The following NDUFA5 variants were observed in gnomAD, a reference collection of about 807,000 sequenced individuals.
The protein encoded by NDUFA5 is NADH dehydrogenase [ubiquinone] 1 alpha subcomplex subunit 5.
NDUFA5 carries 11 observed loss-of-function variants against 19.8 expected under a neutral mutation model. The ratio of observed to expected loss-of-function variants is 0.56; its 90% confidence interval spans 0.35 to 0.92. The LOEUF (loss-of-function observed/expected upper bound fraction) is 0.92, where lower values mean the gene tolerates loss of function less well. Ranked by LOEUF, NDUFA5 falls within the 40% of genes least tolerant of loss-of-function variation. NDUFA5 has a pLI of 0.01. For synonymous variants in NDUFA5, 47 were observed against 46.8 expected (o/e 1.00, Z -0.01); for missense variants, 109 against 134.2 (o/e 0.81, Z 0.93).
At chr7:123,571,779 C>A in the NDUFA5 span, among the ~76,000 whole-genome samples, 67 of 151,992 alleles carry the variant, frequency 4.4e-4, no homozygotes, top group African/African-American at 1.5e-3. Context: ...TAATATAGTC[C>A]CACTTGTCTA....
At position 123,546,091 on chromosome 7, in the gene NDUFA5, G is replaced by A. The variant is rs575837566; in HGVS notation, c.184-415C>T. 8.5e-5 allele frequency among the ~76,000 whole-genome samples: 13 copies of A among 152,152 alleles called. No homozygotes were observed. The South Asian group carries it at 2.3e-3, about 27-fold the overall frequency. On this transcript the variant is annotated intron_variant, in intron 3 of 4. Transcript: ENST00000355749. ...GCATAATATATTTTTTAAAAAACAT[G>A]TTTGAGAATATTCACAGCAGCACAA...
rs1187068430 is a variant in NDUFA5, at chr7:123,539,600, C to T, written c.*2519G>A. ...ACTGAAGATCTCTGAATAAAAGAAT[C>T]ATTTGCAAAGTGATCAGGAGACTTA... On this transcript the variant is annotated 3_prime_UTR_variant, in exon 5 of 5. Transcript: ENST00000355749. The T allele has an allele frequency of 1.3e-5, 2 of 152,228 alleles. No individual in the cohort carries two copies. Among genetic ancestry groups the T allele is most frequent in the East Asian group, 3.9e-4 (2 of 5,176 alleles). The allele number at this position is 152,228 out of a possible 1,614,324, so 9.4% of individuals were successfully genotyped here.
intron 2 of NDUFA5, among the ~76,000 whole-genome samples, chr7:123,553,083 G>A (rs992771346): frequency 2.6e-5 from 4 of 152,120 alleles, no homozygotes; most frequent in African/African-American, 9.7e-5. Flanking sequence ...AATATACTCA[G>A]TACTTCCATG....
the NDUFA5 span, among the ~76,000 whole-genome samples, chr7:123,596,625 T>C: frequency 2.6e-5 from 4 of 151,844 alleles, no homozygotes; most frequent in African/African-American, 9.7e-5. Context: ...ATAATAATAG[T>C]AATAATAAGG....
chr7:123,548,782 C>T (rs1046229360), intron 3 of NDUFA5, among the ~76,000 whole-genome samples: 3 of 152,094 alleles, frequency 2.0e-5, no homozygotes, highest in Non-Finnish European at 2.9e-5. Flanking sequence ...CTTCATACAA[C>T]CAGCTCAACA....
At chr7:123,554,112 T>TA (rs2116177097) in intron 2 of NDUFA5, among the ~76,000 whole-genome samples, 1 of 152,328 alleles carries the variant, frequency 6.6e-6, no homozygotes, top group South Asian at 2.1e-4. Context: ...GAGCATTTGA[T>TA]ATGTGGCTAG....
At chr7:123,569,255 A>C in the NDUFA5 span, among the ~76,000 whole-genome samples, 1 of 152,200 alleles carries the variant, frequency 6.6e-6, no homozygotes, top group East Asian at 1.9e-4. Flanking sequence ...TGAGGGAATA[A>C]AAAGCTTTTC....
the NDUFA5 span, among the ~76,000 whole-genome samples, chr7:123,575,728 G>T: frequency 1.3e-5 from 2 of 150,750 alleles, no homozygotes; most frequent in African/African-American, 4.9e-5. Flanking sequence ...TAATTATCTT[G>T]TAAGTGATGC....
chr7:123,566,093 G>A, the NDUFA5 span, among the ~76,000 whole-genome samples: 1 of 152,020 alleles, frequency 6.6e-6, no homozygotes, highest in Non-Finnish European at 1.5e-5. Flanking sequence ...GTTAAGATGA[G>A]GTCATTAGAG....
chr7:123,594,366 T>C, the NDUFA5 span, among the ~76,000 whole-genome samples: 6 of 152,172 alleles, frequency 3.9e-5, no homozygotes, highest in Non-Finnish European at 8.8e-5. Context: ...GGCATTCTGC[T>C]TTTTGGAATT....
the NDUFA5 span, among the ~76,000 whole-genome samples, chr7:123,589,788 A>G: frequency 6.6e-6 from 1 of 152,176 alleles, no homozygotes; most frequent in Non-Finnish European, 1.5e-5. Flanking sequence ...ATATGTGTGC[A>G]TGTGTCTTTA....
chr7:123,550,699 C>CT (rs541667599), intron 2 of NDUFA5, 113 bp from the exon 3 acceptor site: 5,423 of 460,002 alleles, frequency 0.012, no homozygotes, highest in East Asian at 0.016. Context: ...TTTTTTTTTG[C>CT]TTTTTTTTTT....
At chr7:123,573,493 A>G in the NDUFA5 span, among the ~76,000 whole-genome samples, 4 of 152,008 alleles carry the variant, frequency 2.6e-5, no homozygotes, top group Non-Finnish European at 4.4e-5. Flanking sequence ...CTAGTCCTCA[A>G]GCAAAGAAGC....
chr7:123,554,457 G>GA (rs1160989996), intron 2 of NDUFA5, among the ~76,000 whole-genome samples: 1 of 151,924 alleles, frequency 6.6e-6, no homozygotes, highest in African/African-American at 2.4e-5. Flanking sequence ...ACCTCAGTCA[G>GA]AAAATATTAA....
chr7:123,584,064 G>A, the NDUFA5 span, among the ~76,000 whole-genome samples: 5 of 151,826 alleles, frequency 3.3e-5, no homozygotes, highest in Non-Finnish European at 5.9e-5. Context: ...CTGCTTTGGT[G>A]AGCTCTTCTA....
the NDUFA5 span, among the ~76,000 whole-genome samples, chr7:123,591,196 T>G: frequency 1.3e-5 from 2 of 152,226 alleles, no homozygotes; most frequent in Admixed American, 6.5e-5. Flanking sequence ...AAGGAGATTT[T>G]GGGCTGAGAC....
chr7:123,575,244 A>G, the NDUFA5 span, among the ~76,000 whole-genome samples: 22 of 152,186 alleles, frequency 1.4e-4, no homozygotes, highest in African/African-American at 4.8e-4. Context: ...GTTCCCTACT[A>G]GGAAAAAACA....
intron 3 of NDUFA5, among the ~76,000 whole-genome samples, chr7:123,549,196 G>GA (rs200455049): frequency 7.3e-5 from 11 of 150,444 alleles, no homozygotes; most frequent in South Asian, 4.2e-4. Context: ...TTTACATATT[G>GA]AAAAAAAAAT....
chr7:123,586,567 T>A, the NDUFA5 span, among the ~76,000 whole-genome samples: 1 of 151,786 alleles, frequency 6.6e-6, no homozygotes, highest in East Asian at 1.9e-4. Context: ...GATTTGCTTG[T>A]ACTTGTTTAT....
Sources: allele counts gnomAD v4.1 joint callset (sites outside exome capture counted in the v4.1 genomes callset), GRCh38; gene constraint gnomAD v4.1.1; transcripts MANE v1.5; gene names NCBI Gene and HGNC (gene_info 2026-07-23, HGNC 2026-07-21).